The following CDH4 variants were observed in gnomAD, a reference collection of about 807,000 sequenced individuals.
CDH4 encodes the protein cadherin 4, also known as cadherin-4.
CDH4 carries 33 observed loss-of-function variants against 86.0 expected under a neutral mutation model. That is an observed-to-expected ratio of 0.38 (90% CI 0.29 to 0.51). The LOEUF (loss-of-function observed/expected upper bound fraction) is 0.51, where lower values mean the gene tolerates loss of function less well. Among genes scored for constraint, CDH4 ranks in the 20% least tolerant of loss-of-function variants. The pLI, the probability that CDH4 is intolerant of heterozygous loss-of-function variation, is 0.86. For missense variants in CDH4, 1,114 were observed against 1,307.4 expected, an observed-to-expected ratio of 0.85 and a Z score of 2.28; for synonymous variants, 555 against 549.4, an observed-to-expected ratio of 1.01 and a Z score of -0.14.
At chr20:61,898,857 A>G (rs891238425) in intron 8 of CDH4, among the ~76,000 whole-genome samples, 3 of 152,240 alleles carry the variant, frequency 2.0e-5, no homozygotes, top group African/African-American at 7.2e-5. Context: ...CCAGACCCCC[A>G]TCCCAGGGGC....
intron 2 of CDH4, among the ~76,000 whole-genome samples, chr20:61,727,290 A>G (rs2088126902): frequency 6.7e-6 from 1 of 148,226 alleles, no homozygotes; most frequent in Non-Finnish European, 1.5e-5. Context: ...TCAACACTGG[A>G]GCCATCATCA....
chr20:61,874,029 T>C, intron 7 of CDH4, 129 bp downstream of exon 7: 1 of 955,004 alleles, frequency 1.0e-6, no homozygotes, highest in Non-Finnish European at 1.6e-6. Context: ...AGTGGCACTC[T>C]CTTGCCATGG....
At chr20:61,716,599 C>T (rs942822321) in intron 2 of CDH4, among the ~76,000 whole-genome samples, 4 of 152,188 alleles carry the variant, frequency 2.6e-5, no homozygotes, top group African/African-American at 7.2e-5. Context: ...CTCACCAAAG[C>T]CCTTCGCTTC....
chr20:61,333,437 G>A (rs1431667901), intron 2 of CDH4, among the ~76,000 whole-genome samples: 1 of 152,196 alleles, frequency 6.6e-6, no homozygotes, highest in Non-Finnish European at 1.5e-5. Context: ...GACCCCAACA[G>A]GCATTCTTTC....
At chr20:61,921,964 G>T (rs1426313526) in intron 9 of CDH4, among the ~76,000 whole-genome samples, 1 of 152,048 alleles carries the variant, frequency 6.6e-6, no homozygotes, top group Non-Finnish European at 1.5e-5. Flanking sequence ...TGCACAAAAG[G>T]TGCACACTAT....
intron 2 of CDH4, among the ~76,000 whole-genome samples, chr20:61,653,542 C>A (rs1418804130): frequency 0.023 from 3,134 of 134,734 alleles, 135 homozygotes; most frequent in African/African-American, 0.08. Context: ...ACCTCCCGGA[C>A]GGGGTGGCTG....
intron 5 of CDH4, among the ~76,000 whole-genome samples, chr20:61,846,791 G>A (rs764602119): frequency 3.3e-5 from 5 of 152,138 alleles, no homozygotes; most frequent in Admixed American, 2.0e-4. Context: ...GACTTGGAGC[G>A]GGGTCAGCCC....
rs2087444835 is a variant in CDH4, at chr20:61,676,397, C to T, written c.170-67166C>T. ...TCCAATTTGGATCTTCCAAGGCATC[C>T]ATCTTTACCTGAAAAAGAAGGTGGA... is the stretch of plus-strand genomic sequence containing the variant. On this transcript the variant is annotated intron_variant, in intron 2 of 15. Coordinates refer to ENST00000614565, the MANE Select transcript of CDH4 (RefSeq NM_001794.5). This position sits in a 1 kb window ranked among gnomAD's most constrained non-coding sequence, Gnocchi z 4.5. Among the ~76,000 whole-genome samples, 1 of 152,174 alleles carries T rather than the reference C, an allele frequency of 6.6e-6. No homozygotes were observed. The highest frequency in any genetic ancestry group is 2.4e-5 in the African/African-American group (1 of 41,444).
chr20:61,431,860 T>C (rs931948075), intron 2 of CDH4, among the ~76,000 whole-genome samples: 1 of 152,124 alleles, frequency 6.6e-6, no homozygotes, highest in Non-Finnish European at 1.5e-5. Context: ...CCAGCTGGCA[T>C]CTTCTGCAGT....
intron 2 of CDH4, among the ~76,000 whole-genome samples, chr20:61,282,810 G>A (rs898171527): frequency 2.6e-5 from 4 of 152,244 alleles, no homozygotes; most frequent in African/African-American, 9.6e-5. Context: ...AGTGGTGCAT[G>A]GCTGTGGTGT....
intron 2 of CDH4, among the ~76,000 whole-genome samples, chr20:61,514,965 TGGGGCG>T (rs1372877642): frequency 1.3e-5 from 2 of 152,120 alleles, no homozygotes; most frequent in African/African-American, 2.4e-5. Context: ...TGCCTGGCAT[TGGGGCG>T]GGGGCGGGTG....
chr20:61,368,089 T>G (rs2084820697), intron 2 of CDH4, among the ~76,000 whole-genome samples: 1 of 152,128 alleles, frequency 6.6e-6, no homozygotes, highest in Admixed American at 6.5e-5. Context: ...CAGGCTGGTC[T>G]CAAAGTCCTG....
intron 4 of CDH4, among the ~76,000 whole-genome samples, chr20:61,780,804 C>T (rs1323459890): frequency 6.6e-6 from 1 of 152,210 alleles, no homozygotes; most frequent in Non-Finnish European, 1.5e-5. Flanking sequence ...CAGGTGGCTT[C>T]CCTCTGAGGG....
intron 2 of CDH4, among the ~76,000 whole-genome samples, chr20:61,614,622 C>T (rs1274038539): frequency 1.3e-5 from 2 of 152,062 alleles, no homozygotes; most frequent in Non-Finnish European, 2.9e-5. Context: ...GAATTGAATT[C>T]TGGACACCTA....
intron 2 of CDH4, among the ~76,000 whole-genome samples, chr20:61,369,125 G>A (rs1032712099): frequency 6.6e-6 from 1 of 152,134 alleles, no homozygotes; most frequent in Non-Finnish European, 1.5e-5. Context: ...CAAAACAGCA[G>A]TTGAACCCCT....
chr20:61,877,654 A>T (rs1374605938), intron 7 of CDH4, among the ~76,000 whole-genome samples: 2 of 152,026 alleles, frequency 1.3e-5, no homozygotes, highest in African/African-American at 2.4e-5. Flanking sequence ...CGTCGGGAAC[A>T]TAGGTTGTGT....
At chr20:61,686,648 C>T (rs1457024675) in intron 2 of CDH4, among the ~76,000 whole-genome samples, 2 of 127,574 alleles carry the variant, frequency 1.6e-5, no homozygotes, top group African/African-American at 6.2e-5. Flanking sequence ...TGTGCATTCG[C>T]GTGTGTGCAT....
At chr20:61,418,061 C>T (rs2085156517) in intron 2 of CDH4, among the ~76,000 whole-genome samples, 1 of 150,966 alleles carries the variant, frequency 6.6e-6, no homozygotes, top group East Asian at 1.9e-4. Flanking sequence ...TGTTAAATGG[C>T]AAATGCTGAT....
intron 2 of CDH4, among the ~76,000 whole-genome samples, chr20:61,421,305 G>C (rs1299819023): frequency 6.6e-6 from 1 of 152,180 alleles, no homozygotes; most frequent in Non-Finnish European, 1.5e-5. Flanking sequence ...GCACTGAGGG[G>C]TCTTTATTCC....
Sources: allele counts gnomAD v4.1 joint callset (sites outside exome capture counted in the v4.1 genomes callset), GRCh38; gene constraint gnomAD v4.1.1; non-coding constraint Gnocchi (gnomAD v3.1); transcripts MANE v1.5; gene names NCBI Gene and HGNC (gene_info 2026-07-23, HGNC 2026-07-21).